The following PRKAG2 variants were observed in gnomAD, a reference collection of about 807,000 sequenced individuals.
PRKAG2 encodes 5'-AMP-activated protein kinase subunit gamma-2.
Under a neutral mutation model 69.6 loss-of-function variants are expected in PRKAG2, and 26 were observed. That is an observed-to-expected ratio of 0.37 (90% CI 0.27 to 0.52). The LOEUF is 0.52. Among genes scored for constraint, PRKAG2 ranks in the 20% least tolerant of loss-of-function variants. The pLI, the probability that PRKAG2 is intolerant of heterozygous loss-of-function variation, is 0.90. For synonymous variants in PRKAG2, 293 were observed against 285.0 expected (o/e 1.03, Z -0.28); for missense variants, 557 against 740.0 (o/e 0.75, Z 2.87).
chr7:151,641,969 G>A (rs111911432), intron 4 of PRKAG2, among the ~76,000 whole-genome samples: 4,843 of 149,454 alleles, frequency 0.032, 165 homozygotes, highest in East Asian at 0.11. Flanking sequence ...TGAGGTGGGA[G>A]GATCACTTGA....
At chr7:151,566,539 T>G (rs1299113133) in intron 11 of PRKAG2, 5 of 442,216 alleles carry the variant, frequency 1.1e-5, no homozygotes, top group Admixed American at 1.0e-4. Flanking sequence ...TGTTTGAGTA[T>G]AACAAAATAA....
intron 1 of PRKAG2, among the ~76,000 whole-genome samples, chr7:151,868,284 C>T (rs1297464689): frequency 6.6e-6 from 1 of 152,234 alleles, no homozygotes; most frequent in Non-Finnish European, 1.5e-5. Flanking sequence ...GGCTAAAATA[C>T]AGTTCCACCA....
Position 151,559,805 on chromosome 7 carries a change from T to C in PRKAG2, c.1678+719A>G, listed in dbSNP as rs79012002. 3.0e-6 allele frequency: 3 copies of C among 985,160 alleles called. No homozygotes were observed. In the African/African-American group the frequency reaches 5.2e-5, roughly 17 times the overall value. 61.0% of individuals were successfully genotyped at this position (985,160 alleles called of 1,614,324 possible). A position where few individuals can be genotyped will look rare whatever the true frequency, so the allele number is the denominator to read the frequency against. On this transcript the variant is annotated intron_variant, in intron 15 of 15. Transcript: ENST00000287878. Reference sequence around the variant, plus strand: ...CATGTGGCCCTGACAAAGGCTGGGTTGTTCATATTTGACTGGGGCTGGGGA... The same window carrying C: ...CATGTGGCCCTGACAAAGGCTGGGTCGTTCATATTTGACTGGGGCTGGGGA...
intron 3 of PRKAG2, among the ~76,000 whole-genome samples, chr7:151,676,884 G>C (rs779237358): frequency 6.6e-6 from 1 of 152,188 alleles, no homozygotes; most frequent in Non-Finnish European, 1.5e-5. Context: ...GGAAGGCCTC[G>C]TGCTGGCAGA....
chr7:151,820,755 C>T (rs2078750797), intron 1 of PRKAG2, among the ~76,000 whole-genome samples: 1 of 152,238 alleles, frequency 6.6e-6, no homozygotes, highest in Non-Finnish European at 1.5e-5. Flanking sequence ...TGGAGATGAG[C>T]GCCACCTTCA....
At chr7:151,834,622 C>T (rs776467456) in intron 1 of PRKAG2, among the ~76,000 whole-genome samples, 14 of 152,244 alleles carry the variant, frequency 9.2e-5, no homozygotes, top group Non-Finnish European at 1.6e-4. Flanking sequence ...AGCACTACCC[C>T]TACTTGCTGG....
intron 4 of PRKAG2, among the ~76,000 whole-genome samples, chr7:151,673,516 A>T (rs778759554): frequency 6.6e-6 from 1 of 152,164 alleles, no homozygotes; most frequent in Non-Finnish European, 1.5e-5. Context: ...AGTACTGTTC[A>T]GTTCCCAATC....
intron 5 of PRKAG2, among the ~76,000 whole-genome samples, chr7:151,602,688 G>A (rs748930559): frequency 3.9e-5 from 6 of 152,054 alleles, no homozygotes; most frequent in Non-Finnish European, 8.8e-5. Context: ...GTTTGGCTTC[G>A]TGTCCCCACC....
intron 5 of PRKAG2, among the ~76,000 whole-genome samples, chr7:151,613,510 A>G (rs1298149202): frequency 3.3e-5 from 5 of 152,116 alleles, no homozygotes; most frequent in Non-Finnish European, 5.9e-5. Context: ...TATTTTATAT[A>G]TGTTTGAGAT....
chr7:151,559,702 C>T, intron 15 of PRKAG2: 2 of 985,298 alleles, frequency 2.0e-6, no homozygotes, highest in Non-Finnish European at 2.4e-6. Flanking sequence ...AAAGAGAAAT[C>T]AATACTGTAG....
chr7:151,581,136 A>G (rs1810376825), intron 6 of PRKAG2, among the ~76,000 whole-genome samples: 1 of 152,198 alleles, frequency 6.6e-6, no homozygotes, highest in Non-Finnish European at 1.5e-5. Flanking sequence ...GAGGAGAAAA[A>G]TGGGTTAAAC....
intron 15 of PRKAG2, chr7:151,558,761 G>C (rs1804307117): frequency 1.0e-6 from 1 of 985,240 alleles, no homozygotes; most frequent in East Asian, 1.1e-4. Flanking sequence ...CCAAATTCCA[G>C]CTGGAAATAG....
chr7:151,694,089 G>C (rs1167195835), intron 3 of PRKAG2, among the ~76,000 whole-genome samples: 1 of 152,144 alleles, frequency 6.6e-6, no homozygotes. Flanking sequence ...GGCCAGGCTG[G>C]TCTTGAACTC....
intron 3 of PRKAG2, among the ~76,000 whole-genome samples, chr7:151,728,098 G>C (rs1001846412): frequency 6.6e-6 from 1 of 152,086 alleles, no homozygotes; most frequent in East Asian, 1.9e-4. Flanking sequence ...TGACCGGGAG[G>C]GGAGACGCCA....
At chr7:151,725,339 A>G (rs1474792726) in intron 3 of PRKAG2, among the ~76,000 whole-genome samples, 1 of 152,134 alleles carries the variant, frequency 6.6e-6, no homozygotes, top group East Asian at 1.9e-4. Flanking sequence ...GGAGTCATCA[A>G]TGCATAGAGA....
chr7:151,767,261 C>T (rs2075784224), intron 3 of PRKAG2, among the ~76,000 whole-genome samples: 1 of 152,202 alleles, frequency 6.6e-6, no homozygotes, highest in African/African-American at 2.4e-5. Context: ...TGATTCCAGA[C>T]TTCCAGCCTC....
At position 151,632,117 on chromosome 7, in the gene PRKAG2, C is replaced by G. The variant is rs1183522324; in HGVS notation, c.706G>C (p.Gly236Arg). 6 of 1,410,154 alleles carry G rather than the reference C, an allele frequency of 4.3e-6. No homozygotes were observed. Among genetic ancestry groups the G allele is most frequent in the Middle Eastern group, 4.1e-4 (2 of 4,872 alleles). The allele number at this position is 1,410,154 out of a possible 1,614,324, so 87.4% of individuals were successfully genotyped here. The change falls in exon 5 of 16, where the codon GGA becomes CGA. Residue 236 changes from glycine (G) to arginine (R), a missense_variant. Around this residue, in one of 2 missense-constraint regions of PRKAG2, gnomAD observed 352 missense variants for 356.7 expected, o/e 0.99. Transcript: ENST00000287878. This position sits in a 1 kb window ranked among gnomAD's most constrained non-coding sequence, Gnocchi z 4.2. ...SKAAALAAAL[G>R]PAEAGMLEKL... is the part of the protein sequence containing the mutation. ...TCCAGCATGCCGGCTTCCGCGGGTC[C>G]CAGGGCCGCCGCCAGCGCCGCCTGA...
intron 1 of PRKAG2, among the ~76,000 whole-genome samples, chr7:151,825,513 A>G (rs2078886303): frequency 6.6e-6 from 1 of 152,194 alleles, no homozygotes; most frequent in African/African-American, 2.4e-5. Context: ...CCCAGATTTA[A>G]CATGCACTGG....
rs1423265563 is a variant in PRKAG2 at position 151,699,019 on chromosome 7, C to T, written c.467-23382G>A. ...CGCTACAGTGTAAATGACTGATAGG[C>T]TCAAACGGGCCGTGGGAGGGTTTCA... On this transcript the variant is annotated intron_variant, in intron 3 of 15. Coordinates refer to ENST00000287878, the MANE Select transcript of PRKAG2 (RefSeq NM_016203.4). The surrounding 1 kb of genome is among the most constrained non-coding windows in gnomAD (Gnocchi z 4.5). Among the ~76,000 whole-genome samples the T allele has an allele frequency of 6.6e-6, 1 of 152,282 alleles. No individual in the cohort carries two copies. Among genetic ancestry groups the T allele is most frequent in the Non-Finnish European group, 1.5e-5 (1 of 68,018 alleles).
Sources: allele counts gnomAD v4.1 joint callset (sites outside exome capture counted in the v4.1 genomes callset), GRCh38; gene constraint gnomAD v4.1.1; regional missense constraint gnomAD v4.1.1; non-coding constraint Gnocchi (gnomAD v3.1); transcripts MANE v1.5; gene names NCBI Gene and HGNC (gene_info 2026-07-23, HGNC 2026-07-21).